Variants in NFIA observed in about 807,000 individuals in gnomAD.
NFIA encodes the protein nuclear factor I A, also known as nuclear factor 1 A-type.
Under a neutral mutation model 62.8 loss-of-function variants are expected in NFIA, and 8 were observed. The ratio of observed to expected loss-of-function variants is 0.13; its 90% CI spans 0.07 to 0.23. The LOEUF is 0.23. NFIA is among the 10% of genes least tolerant of loss of function. The pLI is 1.00. For missense variants in NFIA, 410 were observed against 642.1 expected (o/e 0.64, Z 3.91); for synonymous variants, 235 against 238.1 (o/e 0.99, Z 0.12).
chr1:61,180,233 A>C (rs1220366286), intron 2 of NFIA, among the ~76,000 whole-genome samples: 1 of 152,138 alleles, frequency 6.6e-6, no homozygotes, highest in Non-Finnish European at 1.5e-5. Context: ...GGAACATTAA[A>C]AACCCCACAC....
chr1:61,345,906 A>G (rs1415002951), intron 4 of NFIA, among the ~76,000 whole-genome samples: 1 of 152,162 alleles, frequency 6.6e-6, no homozygotes, highest in Non-Finnish European at 1.5e-5. Context: ...AATGATGCCT[A>G]ATAAATCGTG....
chr1:61,419,860 C>T (rs1366020476), intron 9 of NFIA, among the ~76,000 whole-genome samples: 2 of 152,144 alleles, frequency 1.3e-5, no homozygotes, highest in African/African-American at 2.4e-5. Flanking sequence ...TAATTACTAG[C>T]GATAAGGAGG....
chr1:61,248,068 A>G lies in NFIA; in HGVS notation c.560-29452A>G, dbSNP rs371009791. Among the ~76,000 whole-genome samples, 13 of 152,258 alleles carry G rather than the reference A, an allele frequency of 8.5e-5. No individual in the cohort carries two copies. In the East Asian group the frequency reaches 2.1e-3, roughly 25 times the overall value. On this transcript the variant is annotated intron_variant, in intron 2 of 10. Transcript: ENST00000403491. ...ACATTAGTCTGAGAAAGTTCTGAAAAATCTAATTGAGCCAGCATTTACCAA... is the reference window on the plus strand; with the variant it reads ...ACATTAGTCTGAGAAAGTTCTGAAAGATCTAATTGAGCCAGCATTTACCAA...
At chr1:61,321,686 G>A (rs993933779) in intron 3 of NFIA, among the ~76,000 whole-genome samples, 1 of 151,860 alleles carries the variant, frequency 6.6e-6, no homozygotes, top group African/African-American at 2.4e-5. Context: ...GTTGCAACAT[G>A]ACGATTATTA....
chr1:61,144,527 G>A (rs1557596030), intron 2 of NFIA, among the ~76,000 whole-genome samples: 1 of 152,182 alleles, frequency 6.6e-6, no homozygotes, highest in Non-Finnish European at 1.5e-5. Context: ...ACCTAAGGAT[G>A]TGGGCCCTGG....
intron 2 of NFIA, among the ~76,000 whole-genome samples, chr1:61,275,024 A>C (rs1192320659): frequency 6.6e-6 from 1 of 152,200 alleles, no homozygotes; most frequent in Non-Finnish European, 1.5e-5. Flanking sequence ...GCCCCTTAGC[A>C]GGATGGTGCA....
chr1:61,399,364 C>T (rs936181944), intron 7 of NFIA, among the ~76,000 whole-genome samples: 1 of 152,170 alleles, frequency 6.6e-6, no homozygotes, highest in Non-Finnish European at 1.5e-5. Context: ...GTTTGTGTTG[C>T]TCTCTTGACA....
chr1:61,147,001 T>C (rs965956562), intron 2 of NFIA, among the ~76,000 whole-genome samples: 26 of 152,304 alleles, frequency 1.7e-4, no homozygotes, highest in African/African-American at 5.5e-4. Context: ...AGCTGTGGAT[T>C]AGTGAATCTT....
At chr1:61,432,280 G>C (rs1191842918) in intron 10 of NFIA, among the ~76,000 whole-genome samples, 1 of 147,834 alleles carries the variant, frequency 6.8e-6, no homozygotes, top group Non-Finnish European at 1.5e-5. Flanking sequence ...CCCAATAAGA[G>C]ACATGTTCAG....
At chr1:61,133,137 T>A (rs778690212) in intron 2 of NFIA, 24 of 151,450 alleles carry the variant, frequency 1.6e-4, no homozygotes, top group Non-Finnish European at 2.2e-4. Flanking sequence ...TTTATAGGCA[T>A]TTTTTTTTCT....
rs548159953 is a variant in NFIA, at chr1:61,087,854, AGGATG to A, written c.28-292_28-288del. 2.6e-5 allele frequency among the ~76,000 whole-genome samples: 4 copies of A among 152,348 alleles called. No individual in the cohort carries two copies. The East Asian group carries it at 7.7e-4, about 29-fold the overall frequency. On this transcript the variant is annotated intron_variant, in intron 1 of 10. Coordinates refer to ENST00000403491, the MANE Select transcript of NFIA (RefSeq NM_001134673.4). Reference sequence around the variant, plus strand: ...TAGATAAACTTCACTTACTATCTAAAGGATGGGGAGCTAGGCCCGACAGTAGTAGC... The same window carrying A: ...TAGATAAACTTCACTTACTATCTAAAGGGAGCTAGGCCCGACAGTAGTAGC...
chr1:61,449,911 A>C (rs1667985950), intron 10 of NFIA, among the ~76,000 whole-genome samples: 1 of 152,192 alleles, frequency 6.6e-6, no homozygotes, highest in South Asian at 2.1e-4. Flanking sequence ...GCCTCTCATG[A>C]ATACAGACTG....
chr1:61,246,394 G>A (rs761333876), intron 2 of NFIA, among the ~76,000 whole-genome samples: 32 of 152,152 alleles, frequency 2.1e-4, no homozygotes, highest in African/African-American at 3.6e-4. Context: ...CCTTTATGCC[G>A]TATACTTAAA....
rs556853081 is a variant in NFIA, at chr1:61,215,890, C to T, written c.560-61630C>T. 3.3e-5 allele frequency among the ~76,000 whole-genome samples: 5 copies of T among 152,332 alleles called. No individual in the cohort carries two copies. The East Asian group carries it at 9.6e-4, about 29-fold the overall frequency. On this transcript the variant is annotated intron_variant, in intron 2 of 10. Coordinates refer to ENST00000403491, the MANE Select transcript of NFIA (RefSeq NM_001134673.4). ...ACCCAGTCAGGTAAAATGAACAGCA[C>T]ATGAAAGTTTAGCGCATGCGGTCAG...
chr1:61,362,165 T>C (rs1367920328), intron 6 of NFIA, among the ~76,000 whole-genome samples: 1 of 152,104 alleles, frequency 6.6e-6, no homozygotes, highest in African/African-American at 2.4e-5. Flanking sequence ...CCAATCCCCT[T>C]TTTGGCACAG....
At chr1:61,344,027 A>G (rs1034911384) in intron 4 of NFIA, among the ~76,000 whole-genome samples, 25 of 152,246 alleles carry the variant, frequency 1.6e-4, no homozygotes, top group African/African-American at 6.0e-4. Flanking sequence ...GCACAAATTG[A>G]TAAAATGAGT....
intron 3 of NFIA, among the ~76,000 whole-genome samples, chr1:61,330,836 A>C (rs1661262885): frequency 6.6e-6 from 1 of 152,162 alleles, no homozygotes; most frequent in Admixed American, 6.5e-5. Flanking sequence ...CTATTCATCT[A>C]TGAATTTCCT....
rs71582639 is a variant in NFIA at position 61,358,379 on chromosome 1, C to CTTTCTTTCTTT, written c.819-765_819-764insCTTTCTTTTTT. The stretch of plus-strand genomic sequence containing the variant: ...TCATTTTCTTTTCTTTTCTTTCTTT[C>CTTTCTTTCTTT]TTTTTTTTTTTTTTTTTTTTTTTTT... On this transcript the variant is annotated intron_variant, in intron 5 of 10. Transcript: ENST00000403491. Among the ~76,000 whole-genome samples the CTTTCTTTCTTT allele has an allele frequency of 1.1e-3, 58 of 52,616 alleles. 1 individual carries two copies. Among genetic ancestry groups the CTTTCTTTCTTT allele is most frequent in the African/African-American group, 4.7e-3 (56 of 11,834 alleles). 34.5% of individuals were successfully genotyped at this position (52,616 alleles called of 152,430 possible).
chr1:61,190,637 T>G (rs571159559), intron 2 of NFIA, among the ~76,000 whole-genome samples: 1 of 152,130 alleles, frequency 6.6e-6, no homozygotes, highest in East Asian at 1.9e-4. Flanking sequence ...TACCTGATTG[T>G]GTCTAGGCAT....
Sources: allele counts gnomAD v4.1 joint callset (sites outside exome capture counted in the v4.1 genomes callset), GRCh38; gene constraint gnomAD v4.1.1; transcripts MANE v1.5; gene names NCBI Gene and HGNC (gene_info 2026-07-23, HGNC 2026-07-21).